Variants in PHEX observed in about 807,000 individuals in gnomAD.
PHEX encodes phosphate-regulating neutral endopeptidase PHEX.
In PHEX, 16 loss-of-function variants were observed where a neutral mutation model predicts 68.0. The observed-to-expected ratio is 0.24, with a 90% CI of 0.16 to 0.36. PHEX has a LOEUF of 0.36. Ranked by LOEUF, PHEX falls within the 10% of genes least tolerant of loss-of-function variation. The pLI, the probability that PHEX is intolerant of heterozygous loss-of-function variation, is 1.00. For synonymous variants in PHEX, 208 were observed against 205.1 expected, an observed-to-expected ratio of 1.01 and a Z score of -0.12; for missense variants, 480 against 575.5, an observed-to-expected ratio of 0.83 and a Z score of 1.70.
intron 13 of PHEX, among the ~76,000 whole-genome samples, chrX:22,176,400 A>ATATATAT (rs1556067275): frequency 3.2e-5 from 2 of 62,538 alleles, no homozygotes; most frequent in Non-Finnish European, 5.6e-5. Context: ...AAAAAAAAAA[A>ATATATAT]AAATATATAT....
intron 2 of PHEX, among the ~76,000 whole-genome samples, chrX:22,040,815 G>T (rs759387304): frequency 2.7e-5 from 3 of 110,211 alleles, no homozygotes; most frequent in Non-Finnish European, 5.7e-5. Context: ...AGCCTCTGGA[G>T]GCTTTTATGA....
intron 6 of PHEX, 70 bp downstream of exon 6, chrX:22,090,567 T>C (rs1929837667): frequency 5.5e-6 from 4 of 721,437 alleles, no homozygotes; most frequent in African/African-American, 4.2e-5. Context: ...CTAAGGCCGC[T>C]GCTTCTTTAT....
At chrX:22,137,862 A>G (rs1932297315) in intron 12 of PHEX, among the ~76,000 whole-genome samples, 1 of 111,473 alleles carries the variant, frequency 9.0e-6, no homozygotes, top group Non-Finnish European at 1.9e-5. Context: ...TCTCCCTGCT[A>G]CAGCCTGCTT....
chrX:22,166,699 G>C lies in PHEX; in HGVS notation c.1405-1613G>C, dbSNP rs113269904. 9.5e-3 allele frequency among the ~76,000 whole-genome samples: 1,051 copies of C among 110,771 alleles called. 13 individuals carry two copies. The highest frequency in any genetic ancestry group is 0.033 in the African/African-American group (1,003 of 30,453). On this transcript the variant is annotated intron_variant, in intron 12 of 21. Coordinates refer to ENST00000379374, the MANE Select transcript of PHEX (RefSeq NM_000444.6). Reference sequence around the variant, plus strand: ...GTACAATACATTGATATTAACTATAGTCACTATGTTGTACAATACATCTCC... The same window carrying C: ...GTACAATACATTGATATTAACTATACTCACTATGTTGTACAATACATCTCC...
At chrX:22,160,642 C>T (rs767767957) in intron 12 of PHEX, among the ~76,000 whole-genome samples, 13 of 110,508 alleles carry the variant, frequency 1.2e-4, no homozygotes, top group African/African-American at 3.9e-4. Flanking sequence ...GACTTACTCA[C>T]TATCAAGAGA....
At chrX:22,130,443 G>T (rs1395628993) in intron 11 of PHEX, among the ~76,000 whole-genome samples, 1 of 107,520 alleles carries the variant, frequency 9.3e-6, no homozygotes, top group Non-Finnish European at 1.9e-5. Flanking sequence ...TTAGGAGGCT[G>T]AGGCAGAAGA....
At chrX:22,069,815 G>A (rs1242999848) in intron 3 of PHEX, among the ~76,000 whole-genome samples, 2 of 111,768 alleles carry the variant, frequency 1.8e-5, no homozygotes, top group Non-Finnish European at 3.8e-5. Context: ...CAAGCTGAGT[G>A]TCACACAATT....
intron 3 of PHEX, among the ~76,000 whole-genome samples, chrX:22,069,187 G>T (rs1468198038): frequency 9.0e-6 from 1 of 111,393 alleles, no homozygotes; most frequent in Non-Finnish European, 1.9e-5. Flanking sequence ...AATGCTATAC[G>T]AAAAAACTGA....
chrX:22,121,278 A>AG (rs1931475066), intron 11 of PHEX, among the ~76,000 whole-genome samples: 1 of 112,105 alleles, frequency 8.9e-6, no homozygotes, highest in Non-Finnish European at 1.9e-5. Context: ...GAGGAGAATG[A>AG]GGGGGTCAGT....
At chrX:22,083,173 C>T (rs1929471691) in intron 5 of PHEX, among the ~76,000 whole-genome samples, 1 of 111,970 alleles carries the variant, frequency 8.9e-6, no homozygotes, top group East Asian at 2.8e-4. Context: ...TTATCATATA[C>T]AAAAATCAAC....
In PHEX at chrX:22,114,240, T is replaced by G. The variant is rs10217954; in HGVS notation, c.1174-218T>G. On this transcript the variant is annotated intron_variant, in intron 10 of 21. Transcript: ENST00000379374. Reference sequence around the variant, plus strand: ...GCTGGGATTACAGATGTGAGCCACTTTGACCGGCCTAAAACATTTTCATTT... The same window carrying G: ...GCTGGGATTACAGATGTGAGCCACTGTGACCGGCCTAAAACATTTTCATTT... Among the ~76,000 whole-genome samples, 16,028 of 110,516 alleles carry G rather than the reference T, an allele frequency of 0.15. 2,787 individuals carry two copies. Among genetic ancestry groups the G allele is most frequent in the African/African-American group, 0.49 (14,892 of 30,102 alleles).
At position 22,114,472 on chromosome X, in the gene PHEX, C is replaced by A; in HGVS notation, c.1188C>A (p.Thr396=). 8.3e-7 allele frequency: 1 copy of A among 1,202,772 alleles called. No homozygotes were observed. Among genetic ancestry groups the A allele is most frequent in the Non-Finnish European group, 1.1e-6 (1 of 887,683 alleles). The part of the protein sequence containing the change: ...WLEFSRVIQG[T]TTLLPQWDKC... Reference sequence around the variant, plus strand: ...ATCTCCCACAGGTAATCCAGGGGACCACAACTTTGCTGCCTCAATGGGACA... The same window carrying A: ...ATCTCCCACAGGTAATCCAGGGGACAACAACTTTGCTGCCTCAATGGGACA... The change falls in exon 11 of 22, where the codon ACC becomes ACA. Residue 396 remains threonine (T), a synonymous_variant. Coordinates refer to ENST00000379374, the MANE Select transcript of PHEX (RefSeq NM_000444.6).
chrX:22,195,825 T>TCTCAGA (rs1934350188), intron 15 of PHEX, among the ~76,000 whole-genome samples: 1 of 111,523 alleles, frequency 9.0e-6, no homozygotes, highest in Non-Finnish European at 1.9e-5. Context: ...TTTATCTTGA[T>TCTCAGA]CTCAGATGTG....
chrX:22,242,423 G>C (rs1008299290), intron 20 of PHEX, among the ~76,000 whole-genome samples: 1 of 111,681 alleles, frequency 9.0e-6, no homozygotes, highest in Non-Finnish European at 1.9e-5. Context: ...GGAAGTTCTG[G>C]CCAGGGCAAT....
Position 22,249,455 on chromosome X carries a change from A to AAAAAAAATT in PHEX, c.*1503_*1504insAAAAAATTA. On this transcript the variant is annotated 3_prime_UTR_variant, in exon 22 of 22. Coordinates refer to ENST00000379374, the MANE Select transcript of PHEX (RefSeq NM_000444.6). ...TTGTGATTCTTTTAAAAAAAAAAAA[A>AAAAAAAATT]ATATATATATATATATATATATATA... The AAAAAAAATT allele has an allele frequency of 5.0e-5, 2 of 39,764 alleles. No individual in the cohort carries two copies. Among genetic ancestry groups the AAAAAAAATT allele is most frequent in the Admixed American group, 2.6e-4 (1 of 3,803 alleles). 3.3% of individuals were successfully genotyped at this position (39,764 alleles called of 1,213,427 possible).
chrX:22,111,593 T>C, intron 10 of PHEX, 33 bp downstream of exon 10: 1 of 992,254 alleles, frequency 1.0e-6, no homozygotes, highest in Non-Finnish European at 1.4e-6. Context: ...GTTACATCGC[T>C]GGATAACTTT....
intron 3 of PHEX, among the ~76,000 whole-genome samples, chrX:22,061,809 G>T (rs1221217387): frequency 9.0e-6 from 1 of 111,485 alleles, no homozygotes; most frequent in Non-Finnish European, 1.9e-5. Context: ...TTTTACGATT[G>T]GGCAAACTGT....
intron 16 of PHEX, among the ~76,000 whole-genome samples, chrX:22,218,429 GCTT>G (rs1343581665): frequency 9.0e-6 from 1 of 111,658 alleles, no homozygotes; most frequent in African/African-American, 3.3e-5. Context: ...TCTACCACAT[GCTT>G]CTTCAGAGGT....
At chrX:22,216,434 C>T in intron 16 of PHEX, among the ~76,000 whole-genome samples, 1 of 111,660 alleles carries the variant, frequency 9.0e-6, no homozygotes, top group East Asian at 2.8e-4. Context: ...AGAAATCTTC[C>T]AGTTTCTGGC....
Sources: allele counts gnomAD v4.1 joint callset (sites outside exome capture counted in the v4.1 genomes callset), GRCh38; gene constraint gnomAD v4.1.1; transcripts MANE v1.5; gene names NCBI Gene and HGNC (gene_info 2026-07-23, HGNC 2026-07-21).